LDLRAD3: variants seen among roughly 807,000 people sequenced by gnomAD.
LDLRAD3 encodes low density lipoprotein receptor class A domain containing 3.
In LDLRAD3, 20 loss-of-function variants were observed where a neutral mutation model predicts 29.4. The ratio of observed to expected loss-of-function variants is 0.68; its 90% CI spans 0.48 to 0.99. LDLRAD3 has a LOEUF of 0.99. Among genes scored for constraint, LDLRAD3 ranks in the 50% least tolerant of loss-of-function variants. LDLRAD3 has a pLI of 0.00. For synonymous variants in LDLRAD3, 157 were observed against 192.7 expected (o/e 0.81, Z 1.53); for missense variants, 420 against 454.3 (o/e 0.92, Z 0.69).
intron 1 of LDLRAD3, among the ~76,000 whole-genome samples, chr11:35,999,660 A>C (rs368395402): frequency 1.9e-4 from 29 of 152,242 alleles, no homozygotes; most frequent in South Asian, 1.0e-3. Context: ...AAAGTGCACT[A>C]ATTCTGAAGA....
intron 1 of LDLRAD3, among the ~76,000 whole-genome samples, chr11:35,952,022 A>G (rs1565119602): frequency 6.6e-6 from 1 of 152,180 alleles, no homozygotes; most frequent in Non-Finnish European, 1.5e-5. Context: ...GCTTTTAAAA[A>G]CAGCTTTCTG....
At chr11:36,026,866 C>G (rs1428298642) in intron 1 of LDLRAD3, among the ~76,000 whole-genome samples, 3 of 152,232 alleles carry the variant, frequency 2.0e-5, no homozygotes, top group Non-Finnish European at 4.4e-5. Context: ...ATAATCCACC[C>G]TGTGTTTAGC....
At chr11:35,961,313 A>G (rs115816916) in intron 1 of LDLRAD3, among the ~76,000 whole-genome samples, 64 of 152,314 alleles carry the variant, frequency 4.2e-4, no homozygotes, top group African/African-American at 1.4e-3. Context: ...CTCCGCTTCC[A>G]CTGGAGGTGT....
intron 4 of LDLRAD3, among the ~76,000 whole-genome samples, chr11:36,159,403 AT>A (rs1854402110): frequency 1.3e-5 from 2 of 151,706 alleles, no homozygotes; most frequent in Admixed American, 1.3e-4. Context: ...CGGGAGGTTG[AT>A]TCTGCGGTGA....
intron 4 of LDLRAD3, among the ~76,000 whole-genome samples, chr11:36,138,397 G>A (rs9645614): frequency 0.77 from 117,670 of 152,110 alleles, 45,713 homozygotes; most frequent in East Asian, 0.95. Flanking sequence ...CTTTTGTGCA[G>A]TAAAGTAGTT....
At chr11:36,215,560 C>T (rs761578248) in intron 4 of LDLRAD3, among the ~76,000 whole-genome samples, 9 of 152,134 alleles carry the variant, frequency 5.9e-5, no homozygotes, top group Non-Finnish European at 8.8e-5. Flanking sequence ...CGGGCATGCT[C>T]ATCCTGCCTG....
intron 4 of LDLRAD3, among the ~76,000 whole-genome samples, chr11:36,122,628 A>G (rs1441745544): frequency 6.6e-6 from 1 of 152,110 alleles, no homozygotes; most frequent in African/African-American, 2.4e-5. Context: ...CAAAAGGAAA[A>G]AACTCCATCC....
intron 3 of LDLRAD3, among the ~76,000 whole-genome samples, chr11:36,092,122 G>A (rs368039214): frequency 2.0e-5 from 3 of 152,126 alleles, no homozygotes; most frequent in Admixed American, 1.3e-4. Flanking sequence ...GAGACGTATC[G>A]AATCTTGGCT....
At chr11:36,158,087 T>G (rs1402630157) in intron 4 of LDLRAD3, among the ~76,000 whole-genome samples, 1 of 152,228 alleles carries the variant, frequency 6.6e-6, no homozygotes, top group Non-Finnish European at 1.5e-5. Flanking sequence ...CTTTTCGTTT[T>G]ATGCTGGCCC....
At chr11:36,023,807 A>G (rs1435705355) in intron 1 of LDLRAD3, among the ~76,000 whole-genome samples, 1 of 152,196 alleles carries the variant, frequency 6.6e-6, no homozygotes, top group Non-Finnish European at 1.5e-5. Context: ...GGTGAGTCCC[A>G]TATGCCTTTC....
intron 1 of LDLRAD3, among the ~76,000 whole-genome samples, chr11:35,993,065 T>C (rs1007360969): frequency 2.0e-5 from 3 of 152,194 alleles, no homozygotes; most frequent in Non-Finnish European, 4.4e-5. Flanking sequence ...ATTTTACAGA[T>C]TTAAAAAATG....
intron 4 of LDLRAD3, among the ~76,000 whole-genome samples, chr11:36,181,767 T>G (rs1854766998): frequency 6.6e-6 from 1 of 152,240 alleles, no homozygotes; most frequent in African/African-American, 2.4e-5. Flanking sequence ...GAAAAGGTCC[T>G]CAATTACTAA....
intron 4 of LDLRAD3, among the ~76,000 whole-genome samples, chr11:36,155,234 T>C (rs1440030635): frequency 6.6e-6 from 1 of 152,190 alleles, no homozygotes; most frequent in Non-Finnish European, 1.5e-5. Flanking sequence ...CGCTGTCAAG[T>C]ATTTTCTTTC....
chr11:35,979,955 G>A (rs1475118868), intron 1 of LDLRAD3, among the ~76,000 whole-genome samples: 1 of 152,186 alleles, frequency 6.6e-6, no homozygotes, highest in African/African-American at 2.4e-5. Context: ...AAGGCCTGAT[G>A]TCTCTTTGCT....
intron 2 of LDLRAD3, among the ~76,000 whole-genome samples, chr11:36,048,156 C>A (rs1852479076): frequency 6.6e-6 from 1 of 152,168 alleles, no homozygotes; most frequent in Admixed American, 6.6e-5. Context: ...CTGGGTGATT[C>A]TCCATAGATT....
At chr11:35,966,704 TAC>T (rs1273099383) in intron 1 of LDLRAD3, among the ~76,000 whole-genome samples, 4 of 152,198 alleles carry the variant, frequency 2.6e-5, no homozygotes, top group African/African-American at 9.7e-5. Context: ...CCAAGTTATA[TAC>T]AGTCTTACTT....
At chr11:36,150,208 T>G (rs1284526282) in intron 4 of LDLRAD3, among the ~76,000 whole-genome samples, 1 of 152,124 alleles carries the variant, frequency 6.6e-6, no homozygotes, top group Non-Finnish European at 1.5e-5. Context: ...GTTCCATAAA[T>G]GAGGCATGAA....
chr11:35,976,560 G>T (rs1333545039), intron 1 of LDLRAD3, among the ~76,000 whole-genome samples: 5 of 152,170 alleles, frequency 3.3e-5, no homozygotes. Context: ...GGGGATGCTA[G>T]TATTTCCTGT....
intron 4 of LDLRAD3, among the ~76,000 whole-genome samples, chr11:36,179,919 A>C (rs1590335312): frequency 6.6e-6 from 1 of 151,940 alleles, no homozygotes. Flanking sequence ...GCTTGCTTGA[A>C]CCCAGATCGA....
Sources: allele counts gnomAD v4.1 joint callset (sites outside exome capture counted in the v4.1 genomes callset), GRCh38; gene constraint gnomAD v4.1.1; transcripts MANE v1.5; gene names NCBI Gene and HGNC (gene_info 2026-07-23, HGNC 2026-07-21).